The following GALK2 variants were observed in gnomAD, a reference collection of about 807,000 sequenced individuals.
The protein encoded by GALK2 is N-acetylgalactosamine kinase.
GALK2 carries 36 observed loss-of-function variants against 52.4 expected under a neutral mutation model. The observed-to-expected ratio is 0.69, with a 90% CI of 0.53 to 0.91. The LOEUF (loss-of-function observed/expected upper bound fraction) is 0.91. Ranked by LOEUF, GALK2 falls within the 40% of genes least tolerant of loss-of-function variation. GALK2 has a pLI of 0.00. For synonymous variants in GALK2, 176 were observed against 199.1 expected (o/e 0.88, Z 0.98); for missense variants, 579 against 559.1 (o/e 1.04, Z -0.36).
At chr15:49,333,336 C>CT (rs762361719), downstream of GALK2, among the ~76,000 whole-genome samples, 9 of 152,266 alleles carry the variant, frequency 5.9e-5, no homozygotes, top group East Asian at 1.7e-3. Flanking sequence ...GTGCCTATAA[C>CT]TTTAACAAGC....
intron 2 of GALK2, among the ~76,000 whole-genome samples, chr15:49,201,856 T>C (rs1023683646): frequency 6.6e-6 from 1 of 152,214 alleles, no homozygotes; most frequent in African/African-American, 2.4e-5. Context: ...AATATTTCCA[T>C]GTATCTATTT....
chr15:49,170,208 C>T (rs2084967963), upstream of GALK2: 3 of 1,510,540 alleles, frequency 2.0e-6, no homozygotes, highest in Non-Finnish European at 2.7e-6. Flanking sequence ...TTCCGCAGGG[C>T]GGGAGCTGTT....
At chr15:49,270,865 G>A (rs778350031) in intron 5 of GALK2, among the ~76,000 whole-genome samples, 1 of 152,072 alleles carries the variant, frequency 6.6e-6, no homozygotes, top group Non-Finnish European at 1.5e-5. Context: ...ACTAGTCATC[G>A]AATGCCCCTC....
chr15:49,223,768 G>A (rs895256928), intron 3 of GALK2, among the ~76,000 whole-genome samples: 5 of 152,026 alleles, frequency 3.3e-5, no homozygotes, highest in African/African-American at 1.2e-4. Context: ...GTATACCACA[G>A]TTTCTTTATC....
Position 49,292,434 on chromosome 15 carries a change from T to C in GALK2, c.864T>C (p.Asp288=). Residue 288 remains aspartate, a synonymous_variant, in exon 8 of 10, where the codon GAT becomes GAC. Transcript: ENST00000560031. ...SLEEMLLVTE[D]ALHPEPYNPE... Reference sequence around the variant, plus strand: ...AAGAAATGCTGTTGGTCACAGAAGATGCCCTTCATCCTGAACCCTATAACC... The same window carrying C: ...AAGAAATGCTGTTGGTCACAGAAGACGCCCTTCATCCTGAACCCTATAACC... 9.3e-6 allele frequency: 15 copies of C among 1,614,042 alleles called. No homozygotes were observed. The highest frequency in any genetic ancestry group is 1.3e-5 in the Non-Finnish European group (15 of 1,179,950).
In GALK2 at chr15:49,261,846, T is replaced by C. The variant is rs894418718; in HGVS notation, c.505-20141T>C. 6.3e-3 allele frequency among the ~76,000 whole-genome samples: 964 copies of C among 152,142 alleles called. 9 individuals carry two copies. The highest frequency in any genetic ancestry group is 0.021 in the African/African-American group (883 of 41,464). On this transcript the variant is annotated intron_variant, in intron 5 of 9. Coordinates refer to ENST00000560031, the MANE Select transcript of GALK2 (RefSeq NM_002044.4). Reference sequence around the variant, plus strand: ...ATAATCATGTGGTTTTTGTCTTTGGTTCTGTTTATATGCTGGATTACATTT... The same window carrying C: ...ATAATCATGTGGTTTTTGTCTTTGGCTCTGTTTATATGCTGGATTACATTT...
intron 5 of GALK2, among the ~76,000 whole-genome samples, chr15:49,274,666 A>G (rs2031344712): frequency 6.6e-6 from 1 of 152,212 alleles, no homozygotes; most frequent in Non-Finnish European, 1.5e-5. Context: ...TCTTGTAATA[A>G]CACTTAGCTT....
At chr15:49,364,596 A>C (rs1370420580) in intron 3 of GALK2, among the ~76,000 whole-genome samples, 2 of 152,166 alleles carry the variant, frequency 1.3e-5, no homozygotes, top group African/African-American at 4.8e-5. Context: ...TTAAAAAAAC[A>C]TACTACAAAA....
chr15:49,287,620 T>A (rs2033503557), intron 7 of GALK2, among the ~76,000 whole-genome samples: 1 of 152,122 alleles, frequency 6.6e-6, no homozygotes, highest in African/African-American at 2.4e-5. Context: ...TGTAAAAAGT[T>A]TAAAAAAAAG....
At chr15:49,354,538 C>A (rs2042773188) in intron 3 of GALK2, among the ~76,000 whole-genome samples, 1 of 152,186 alleles carries the variant, frequency 6.6e-6, no homozygotes, top group Non-Finnish European at 1.5e-5. Context: ...ACTTTTCCGA[C>A]CGGCTTAAAA....
chr15:49,316,520 C>T (rs750159143), intron 8 of GALK2, among the ~76,000 whole-genome samples: 3 of 151,846 alleles, frequency 2.0e-5, no homozygotes, highest in Non-Finnish European at 4.4e-5. Context: ...ATGTAAATGA[C>T]GAGTTAATGG....
intron 3 of GALK2, among the ~76,000 whole-genome samples, chr15:49,235,178 A>G (rs1284058993): frequency 6.6e-6 from 1 of 152,178 alleles, no homozygotes; most frequent in African/African-American, 2.4e-5. Context: ...CAGTTTATTA[A>G]GTTTAACAGT....
intron 5 of GALK2, among the ~76,000 whole-genome samples, chr15:49,242,250 G>C (rs943861079): frequency 3.3e-5 from 5 of 152,160 alleles, no homozygotes; most frequent in Non-Finnish European, 7.3e-5. Flanking sequence ...GTTTAATAAA[G>C]AGACTTTTAC....
intron 3 of GALK2, among the ~76,000 whole-genome samples, chr15:49,220,085 G>C (rs1339179387): frequency 1.0e-5 from 1 of 98,196 alleles, no homozygotes; most frequent in Non-Finnish European, 2.2e-5. Flanking sequence ...TTTTGAGACA[G>C]AGTCTTGTTC....
At position 49,331,742 on chromosome 15, in the gene GALK2, A is replaced by G. The variant is rs1481785924; in HGVS notation, c.*3583A>G. ...GTCCAGTCTATATAAAAGAAGCTAG[A>G]GAGAGAATTCTCAATTATTTTCAGA... On this transcript the variant is annotated 3_prime_UTR_variant, in exon 10 of 10. Coordinates refer to ENST00000560031, the MANE Select transcript of GALK2 (RefSeq NM_002044.4). 1.6e-6 allele frequency: 2 copies of G among 1,247,626 alleles called. No homozygotes were observed. The allele number at this position is 1,247,626 out of a possible 1,614,324, so 77.3% of individuals were successfully genotyped here. A position where few individuals can be genotyped will look rare whatever the true frequency, so the allele number is the denominator to read the frequency against.
At chr15:49,192,480 TA>T (rs2086800948) in intron 1 of GALK2, among the ~76,000 whole-genome samples, 1 of 67,362 alleles carries the variant, frequency 1.5e-5, no homozygotes, top group African/African-American at 5.8e-5. Flanking sequence ...ATATTATATA[TA>T]TATGTATATA....
chr15:49,165,337 T>TC (rs2084784816), upstream of GALK2, among the ~76,000 whole-genome samples: 1 of 152,210 alleles, frequency 6.6e-6, no homozygotes, highest in South Asian at 2.1e-4. Flanking sequence ...TATTTTTATC[T>TC]CCCTTTTTTA....
intron 8 of GALK2, among the ~76,000 whole-genome samples, chr15:49,312,575 GCCTATCAAGGAGACTT>G (rs2036081640): frequency 6.6e-6 from 1 of 152,302 alleles, no homozygotes; most frequent in Non-Finnish European, 1.5e-5. Context: ...CTTAGAGACA[GCCTATCAAGGAGACTT>G]CTCCTTGTGA....
chr15:49,260,789 A>G (rs2092066802), intron 5 of GALK2, among the ~76,000 whole-genome samples: 1 of 152,166 alleles, frequency 6.6e-6, no homozygotes, highest in African/African-American at 2.4e-5. Flanking sequence ...ACATATGGCT[A>G]GCCAGTTTTC....
Sources: gnomAD v4.1 joint callset for allele counts (sites outside exome capture counted in the v4.1 genomes callset) on GRCh38, gnomAD v4.1.1 for gene constraint, MANE v1.5 for transcripts, NCBI Gene and HGNC (gene_info 2026-07-23, HGNC 2026-07-21) for gene names.